PHLPP1: variants seen among roughly 807,000 people sequenced by gnomAD.
PHLPP1 encodes PH domain and leucine rich repeat protein phosphatase 1, also known as PH domain leucine-rich repeat-containing protein phosphatase 1.
In PHLPP1, 42 loss-of-function variants were observed where a neutral mutation model predicts 117.2. The observed-to-expected ratio is 0.36, with a 90% CI of 0.28 to 0.46. The LOEUF (loss-of-function observed/expected upper bound fraction) is 0.46. Ranked by LOEUF, PHLPP1 falls within the 20% of genes least tolerant of loss-of-function variation. The pLI is 1.00. For synonymous variants in PHLPP1, 1,042 were observed against 970.7 expected, an observed-to-expected ratio of 1.07 and a Z score of -1.37; for missense variants, 2,084 against 2,241.9, an observed-to-expected ratio of 0.93 and a Z score of 1.42.
At chr18:62,948,856 T>C (rs1410257572) in intron 12 of PHLPP1, among the ~76,000 whole-genome samples, 1 of 152,188 alleles carries the variant, frequency 6.6e-6, no homozygotes, top group African/African-American at 2.4e-5. Flanking sequence ...TATTTTAAGT[T>C]GCAATATAAG....
intron 1 of PHLPP1, among the ~76,000 whole-genome samples, chr18:62,798,312 G>C (rs1416612045): frequency 6.6e-6 from 1 of 152,130 alleles, no homozygotes; most frequent in Non-Finnish European, 1.5e-5. Flanking sequence ...AAATTGCTTT[G>C]CTTGGGATCC....
chr18:62,940,233 A>G (rs556553680), intron 10 of PHLPP1, among the ~76,000 whole-genome samples: 2 of 149,272 alleles, frequency 1.3e-5, no homozygotes, highest in East Asian at 2.0e-4. Context: ...CAGCTTTGCA[A>G]TGTGCATTTA....
intron 3 of PHLPP1, among the ~76,000 whole-genome samples, chr18:62,857,805 ACTGTGT>A (rs1915536212): frequency 6.6e-6 from 1 of 152,212 alleles, no homozygotes; most frequent in Admixed American, 6.5e-5. Context: ...CAGGGCAGAG[ACTGTGT>A]CTGTCTTGTT....
rs1911166267 is a variant in PHLPP1 at position 62,975,592 on chromosome 18, G to T, written c.3951G>T (p.Lys1317Asn). 6.2e-7 allele frequency: 1 copy of T among 1,613,702 alleles called. No homozygotes were observed. Among genetic ancestry groups the T allele is most frequent in the Non-Finnish European group, 8.5e-7 (1 of 1,179,586 alleles). Residue 1317 changes from lysine to asparagine, a missense_variant, in exon 16 of 17, where the codon AAG (lysine) becomes AAT (asparagine). Physicochemically the swap from Lys to Asn is moderately conservative, Grantham distance 94. Around this residue, in one of 2 missense-constraint regions of PHLPP1, gnomAD observed 1,365 missense variants for 1,605.9 expected, o/e 0.85. Transcript: ENST00000262719. The part of the protein sequence containing the change: ...SYIMSCEEEL[K>N]RIKQHKAIIT... ...TCATGAGCTGTGAAGAAGAGCTGAA[G>T]AGGATTAAACAGCACAAGGCCATTA...
Position 62,978,212 on chromosome 18 carries a change from C to T in PHLPP1, c.3985-50C>T, listed in dbSNP as rs1011345869. 2.7e-6 allele frequency: 3 copies of T among 1,109,698 alleles called. No individual in the cohort carries two copies. Among genetic ancestry groups the T allele is most frequent in the African/African-American group, 1.5e-5 (1 of 65,068 alleles). 68.7% of individuals were successfully genotyped at this position (1,109,698 alleles called of 1,614,324 possible). A position where few individuals can be genotyped will look rare whatever the true frequency, so the allele number is the denominator to read the frequency against. ...GACCCGCAGGGAACCTGCACAGTTG[C>T]CGCAGGTGCTCTGTATTAACTGTCT... On this transcript the variant is annotated intron_variant, in intron 16 of 16. Coordinates refer to ENST00000262719, the MANE Select transcript of PHLPP1 (RefSeq NM_194449.4). The surrounding 1 kb of genome is among the most constrained non-coding windows in gnomAD (Gnocchi z 7.0).
At chr18:62,741,997 A>G (rs1911542830) in intron 1 of PHLPP1, among the ~76,000 whole-genome samples, 1 of 152,084 alleles carries the variant, frequency 6.6e-6, no homozygotes, top group African/African-American at 2.4e-5. Flanking sequence ...TCTTAAATTC[A>G]ATGCAAAATA....
At chr18:62,786,348 C>T (rs921105019) in intron 1 of PHLPP1, among the ~76,000 whole-genome samples, 5 of 152,106 alleles carry the variant, frequency 3.3e-5, no homozygotes, top group African/African-American at 1.2e-4. Flanking sequence ...ATTATTATCA[C>T]CATCTTGTTG....
At chr18:62,890,803 C>T (rs1323190412) in intron 4 of PHLPP1, among the ~76,000 whole-genome samples, 4 of 152,254 alleles carry the variant, frequency 2.6e-5, no homozygotes, top group Admixed American at 2.0e-4. Context: ...TTCACGTGCT[C>T]TATTATGTTG....
At chr18:62,826,378 G>A in intron 1 of PHLPP1, 1 of 277,934 alleles carries the variant, frequency 3.6e-6, no homozygotes, top group South Asian at 3.4e-5. Flanking sequence ...ATTTGTGGTT[G>A]CGGAAGTGCA....
intron 12 of PHLPP1, among the ~76,000 whole-genome samples, chr18:62,955,754 A>C (rs770804141): frequency 6.6e-6 from 1 of 152,226 alleles, no homozygotes; most frequent in East Asian, 1.9e-4. Flanking sequence ...ATAAAATTCA[A>C]TATTTCTGCA....
intron 4 of PHLPP1, among the ~76,000 whole-genome samples, chr18:62,883,891 A>G (rs535173610): frequency 1.3e-4 from 20 of 152,296 alleles, no homozygotes; most frequent in African/African-American, 4.3e-4. Context: ...ACATGAGTCA[A>G]TTAAAAATCT....
intron 4 of PHLPP1, among the ~76,000 whole-genome samples, chr18:62,882,425 C>T (rs945514875): frequency 1.2e-4 from 18 of 152,172 alleles, no homozygotes; most frequent in African/African-American, 4.1e-4. Flanking sequence ...CCCGCCACCG[C>T]GCCTGGATAA....
chr18:62,795,367 AC>A (rs1913597046), intron 1 of PHLPP1, among the ~76,000 whole-genome samples: 1 of 151,404 alleles, frequency 6.6e-6, no homozygotes, highest in South Asian at 2.1e-4. Context: ...AGTCCCAGCT[AC>A]TCGGGAGGCT....
chr18:62,716,683 G>T lies in PHLPP1; in HGVS notation c.1000G>T (p.Val334Phe). 6.8e-7 allele frequency: 1 copy of T among 1,466,422 alleles called. No individual in the cohort carries two copies. The allele number at this position is 1,466,422 out of a possible 1,614,324, so 90.8% of individuals were successfully genotyped here. ...CGGCGAGCCGTTCGTTGGGGGCCCTGTCTCTTCGCCCCGCGCCCCACGGCC... is the reference window on the plus strand; with the variant it reads ...CGGCGAGCCGTTCGTTGGGGGCCCTTTCTCTTCGCCCCGCGCCCCACGGCC... ...SPGEPFVGGP[V>F]SSPRAPRPVV... Residue 334 changes from valine to phenylalanine, a missense_variant, in exon 1 of 17, where the codon GTC becomes TTC. By Grantham distance (50) the Val-to-Phe change is conservative. Coordinates refer to ENST00000262719, the MANE Select transcript of PHLPP1 (RefSeq NM_194449.4). This position sits in a 1 kb window ranked among gnomAD's most constrained non-coding sequence, Gnocchi z 5.7.
chr18:62,962,608 A>G (rs896515767), intron 13 of PHLPP1, among the ~76,000 whole-genome samples: 1 of 152,030 alleles, frequency 6.6e-6, no homozygotes, highest in African/African-American at 2.4e-5. Context: ...CGCGCCTGGC[A>G]AGGCTGATTT....
chr18:62,953,835 G>A (rs1910536364), intron 12 of PHLPP1, among the ~76,000 whole-genome samples: 1 of 152,226 alleles, frequency 6.6e-6, no homozygotes, highest in Non-Finnish European at 1.5e-5. Flanking sequence ...GAGCACGGTG[G>A]AGGTGGTGGA....
chr18:62,816,559 T>C (rs1477612691), intron 1 of PHLPP1, among the ~76,000 whole-genome samples: 2 of 152,166 alleles, frequency 1.3e-5, no homozygotes, highest in East Asian at 3.9e-4. Flanking sequence ...AGAACAATAC[T>C]CCGTCTCAAA....
At chr18:62,720,680 C>T (rs1910888815) in intron 1 of PHLPP1, among the ~76,000 whole-genome samples, 1 of 151,916 alleles carries the variant, frequency 6.6e-6, no homozygotes, top group African/African-American at 2.4e-5. Context: ...TGAACAGTCC[C>T]TTTAATTTTC....
chr18:62,950,981 GTT>G (rs770050748), intron 12 of PHLPP1, among the ~76,000 whole-genome samples: 1 of 143,918 alleles, frequency 6.9e-6, no homozygotes. Context: ...ACCCAGACTA[GTT>G]TTTTTTTTTT....
Sources: allele counts gnomAD v4.1 joint callset (sites outside exome capture counted in the v4.1 genomes callset), GRCh38; gene constraint gnomAD v4.1.1; regional missense constraint gnomAD v4.1.1; non-coding constraint Gnocchi (gnomAD v3.1); transcripts MANE v1.5; gene names NCBI Gene and HGNC (gene_info 2026-07-23, HGNC 2026-07-21).